The following DGKG variants were observed in gnomAD, a reference collection of about 807,000 sequenced individuals.
DGKG encodes the protein DAG kinase gamma.
A neutral mutation model predicts 105.3 loss-of-function variants in DGKG; 78 were observed. That is an observed-to-expected ratio of 0.74 (90% CI 0.62 to 0.89). The LOEUF is 0.89. DGKG is among the 40% of genes least tolerant of loss of function. DGKG has a pLI of 0.00. For missense variants in DGKG, 958 were observed against 1,020.1 expected (o/e 0.94, Z 0.83); for synonymous variants, 346 against 367.1 (o/e 0.94, Z 0.66).
intron 10 of DGKG, among the ~76,000 whole-genome samples, 175 bp downstream of exon 10, chr3:186,275,372 G>T (rs891515350): frequency 3.9e-5 from 6 of 152,160 alleles, no homozygotes; most frequent in African/African-American, 1.4e-4. Flanking sequence ...CATTGGACTT[G>T]GGTAGGGTAA....
intron 1 of DGKG, among the ~76,000 whole-genome samples, chr3:186,330,375 T>C (rs78860291): frequency 0.021 from 3,203 of 152,326 alleles, 42 homozygotes; most frequent in Non-Finnish European, 0.032. Flanking sequence ...GTCATTTACA[T>C]TGGTGGTCCC....
At chr3:186,309,556 G>A (rs1000566067) in intron 2 of DGKG, among the ~76,000 whole-genome samples, 1 of 152,120 alleles carries the variant, frequency 6.6e-6, no homozygotes, top group Non-Finnish European at 1.5e-5. Context: ...TAATTATTTA[G>A]GAAAACAAAT....
chr3:186,230,039 C>T (rs961549245), intron 20 of DGKG, among the ~76,000 whole-genome samples: 64 of 152,238 alleles, frequency 4.2e-4, no homozygotes, highest in African/African-American at 1.5e-3. Flanking sequence ...GCGGGCGGAT[C>T]ACGAGGTCAG....
chr3:186,318,728 C>T (rs1724934653), intron 2 of DGKG, among the ~76,000 whole-genome samples: 1 of 152,190 alleles, frequency 6.6e-6, no homozygotes. Flanking sequence ...GGATGGATCC[C>T]TTCTCCACAG....
At chr3:186,236,380 A>G (rs1720422337) in intron 20 of DGKG, among the ~76,000 whole-genome samples, 1 of 152,242 alleles carries the variant, frequency 6.6e-6, no homozygotes, top group African/African-American at 2.4e-5. Context: ...ATGATATTCA[A>G]CAACAAATGT....
At chr3:186,344,930 AT>A (rs1726258593) in intron 1 of DGKG, among the ~76,000 whole-genome samples, 1 of 151,978 alleles carries the variant, frequency 6.6e-6, no homozygotes, top group Non-Finnish European at 1.5e-5. Flanking sequence ...GCAGCATATA[AT>A]TTTTTCAGTA....
chr3:186,269,023 G>T, intron 11 of DGKG, 106 bp from the exon 12 acceptor site: 1 of 743,106 alleles, frequency 1.3e-6, no homozygotes. Flanking sequence ...GAGCCAGAGG[G>T]ACTGTTTCCT....
intron 1 of DGKG, among the ~76,000 whole-genome samples, chr3:186,343,867 G>A (rs1325000083): frequency 6.6e-6 from 1 of 151,964 alleles, no homozygotes; most frequent in African/African-American, 2.4e-5. Context: ...TATATGGTGA[G>A]CATTATTTGG....
chr3:186,158,701 A>G (rs2108473796), intron 24 of DGKG: 2 of 970,240 alleles, frequency 2.1e-6, no homozygotes, highest in South Asian at 4.8e-5. Context: ...AAAGATGGAA[A>G]CAAATATTTT....
chr3:186,153,884 C>A (rs1376018512), intron 24 of DGKG, among the ~76,000 whole-genome samples: 1 of 151,924 alleles, frequency 6.6e-6, no homozygotes, highest in East Asian at 2.0e-4. Flanking sequence ...AGGGGCAGAT[C>A]GCATGAGCGC....
intron 2 of DGKG, among the ~76,000 whole-genome samples, chr3:186,316,422 T>C (rs970124618): frequency 1.3e-5 from 2 of 152,246 alleles, no homozygotes; most frequent in African/African-American, 4.8e-5. Context: ...TTGATATCTA[T>C]ATTTATACTT....
intron 24 of DGKG, among the ~76,000 whole-genome samples, chr3:186,155,800 C>G (rs1716007141): frequency 6.6e-6 from 1 of 152,186 alleles, no homozygotes; most frequent in African/African-American, 2.4e-5. Flanking sequence ...TCTCCCCATA[C>G]CCTTGACAGC....
Position 186,268,835 on chromosome 3 carries a change from A to G in DGKG, c.1082T>C (p.Val361Ala). 1 of 1,613,908 alleles carries G rather than the reference A, an allele frequency of 6.2e-7. No individual in the cohort carries two copies. The highest frequency in any genetic ancestry group is 8.5e-7 in the Non-Finnish European group (1 of 1,179,934). ...GCACCACACGCAGTGCCGCGCGGTG[A>G]CACTCTGGTAGCACTTGATACTTTT... The part of the protein sequence containing the change: ...CHKSIKCYQS[V>A]TARHCVWCRM... Residue 361 changes from valine (V) to alanine (A), a missense_variant, in exon 12 of 25, where the codon GTC becomes GCC. Val to Ala is a moderately conservative substitution (Grantham distance 64). Around this residue, in one of 2 missense-constraint regions of DGKG, gnomAD observed 643 missense variants for 619.5 expected, o/e 1.04. Coordinates refer to ENST00000265022, the MANE Select transcript of DGKG (RefSeq NM_001346.3).
chr3:186,286,300 A>G (rs759251805), intron 6 of DGKG, among the ~76,000 whole-genome samples: 1 of 152,310 alleles, frequency 6.6e-6, no homozygotes, highest in Non-Finnish European at 1.5e-5. Context: ...GTTGAATGAC[A>G]TAGAGGACAG....
At chr3:186,161,051 A>G (rs969425089) in intron 24 of DGKG, 10 of 986,530 alleles carry the variant, frequency 1.0e-5, no homozygotes, top group Non-Finnish European at 1.2e-5. Flanking sequence ...GTGGTGACTC[A>G]TTCAGTGGAA....
chr3:186,288,483 G>A (rs1723169792), intron 6 of DGKG, among the ~76,000 whole-genome samples: 1 of 152,162 alleles, frequency 6.6e-6, no homozygotes, highest in South Asian at 2.1e-4. Context: ...CAATACCTGG[G>A]TTTCAGATGC....
chr3:186,210,507 C>T lies in DGKG; in HGVS notation c.1917+1288G>A, dbSNP rs1387243606. ...AAGTTCAGGGGATTAGCCAGATCGG[C>T]GCCTCCCACCCTGGCGTTGGTAACC... is the stretch of plus-strand genomic sequence containing the variant. On this transcript the variant is annotated intron_variant, in intron 21 of 24. Transcript: ENST00000265022. The surrounding 1 kb of genome is among the most constrained non-coding windows in gnomAD (Gnocchi z 5.2). 1.3e-5 allele frequency among the ~76,000 whole-genome samples: 2 copies of T among 152,212 alleles called. No individual in the cohort carries two copies. The highest frequency in any genetic ancestry group is 1.9e-4 in the East Asian group (1 of 5,184).
chr3:186,323,982 C>T (rs1360988735), intron 1 of DGKG, among the ~76,000 whole-genome samples: 3 of 149,044 alleles, frequency 2.0e-5, no homozygotes, highest in Non-Finnish European at 4.4e-5. Context: ...GTGGTGCATG[C>T]TTGTAATCCC....
intron 22 of DGKG, among the ~76,000 whole-genome samples, chr3:186,179,979 A>G (rs1202778641): frequency 1.3e-5 from 2 of 152,226 alleles, no homozygotes; most frequent in South Asian, 2.1e-4. Flanking sequence ...CATTTGGTCA[A>G]CCAATATTGA....
Sources: allele counts gnomAD v4.1 joint callset (sites outside exome capture counted in the v4.1 genomes callset), GRCh38; gene constraint gnomAD v4.1.1; regional missense constraint gnomAD v4.1.1; non-coding constraint Gnocchi (gnomAD v3.1); transcripts MANE v1.5; gene names NCBI Gene and HGNC (gene_info 2026-07-23, HGNC 2026-07-21).